Variants in TM2D1 observed in about 807,000 individuals in gnomAD.
TM2D1 encodes the protein TM2 domain-containing protein 1.
TM2D1 carries 15 observed loss-of-function variants against 28.4 expected under a neutral mutation model. That is an observed-to-expected ratio of 0.53 (90% confidence interval 0.35 to 0.81). The LOEUF is 0.81. Among genes scored for constraint, TM2D1 ranks in the 40% least tolerant of loss-of-function variants. The pLI is 0.01. For synonymous variants in TM2D1, 93 were observed against 96.2 expected, an observed-to-expected ratio of 0.97 and a Z score of 0.20; for missense variants, 236 against 254.9, an observed-to-expected ratio of 0.93 and a Z score of 0.50.
chr1:61,723,219 T>A (rs1438232359), intron 2 of TM2D1, among the ~76,000 whole-genome samples: 1 of 152,054 alleles, frequency 6.6e-6, no homozygotes. Context: ...ATAATCAAAG[T>A]AATAGAAATG....
At chr1:61,723,867 C>G in intron 1 of TM2D1, 81 bp from the exon 2 acceptor site, 1 of 628,838 alleles carries the variant, frequency 1.6e-6, no homozygotes, top group Non-Finnish European at 2.7e-6. Context: ...ATTATATACT[C>G]ATGTTGATAT....
intron 5 of TM2D1, among the ~76,000 whole-genome samples, chr1:61,693,790 G>T (rs982021684): frequency 1.3e-5 from 2 of 152,186 alleles, no homozygotes; most frequent in African/African-American, 4.8e-5. Flanking sequence ...CAAAACAGAT[G>T]ATGCTCTAAA....
chr1:61,683,557 C>T lies in TM2D1; in HGVS notation c.514-11G>A, dbSNP rs762730015. ...TGAAGGTCCAACAATCTAGAAGAGA[C>T]AAAATTTCAAAATTATTCATTTTAC... On this transcript the variant is annotated splice_polypyrimidine_tract_variant and intron_variant, in intron 5 of 6. Transcript: ENST00000606498. 8.1e-7 allele frequency: 1 copy of T among 1,240,046 alleles called. No individual in the cohort carries two copies. Among genetic ancestry groups the T allele is most frequent in the Non-Finnish European group, 1.1e-6 (1 of 904,172 alleles). The allele number at this position is 1,240,046 out of a possible 1,614,324, so 76.8% of individuals were successfully genotyped here.
At chr1:61,682,503 T>A (rs868240165) in intron 6 of TM2D1, among the ~76,000 whole-genome samples, 1 of 152,150 alleles carries the variant, frequency 6.6e-6, no homozygotes, top group East Asian at 1.9e-4. Flanking sequence ...TGTATGGTAA[T>A]TGAAATTTAA....
At chr1:61,690,343 G>C (rs2148036464) in intron 5 of TM2D1, among the ~76,000 whole-genome samples, 1 of 150,678 alleles carries the variant, frequency 6.6e-6, no homozygotes, top group Admixed American at 6.7e-5. Context: ...TGTAATCCTA[G>C]CTACTCAGGA....
At chr1:61,712,323 A>G (rs1644484565) in intron 2 of TM2D1, among the ~76,000 whole-genome samples, 1 of 152,240 alleles carries the variant, frequency 6.6e-6, no homozygotes, top group East Asian at 1.9e-4. Flanking sequence ...TTAAATTTTT[A>G]TAAACTATAT....
intron 1 of TM2D1, chr1:61,724,202 G>C (rs1452509097): frequency 1.3e-5 from 2 of 152,658 alleles, no homozygotes; most frequent in South Asian, 2.0e-4. Flanking sequence ...TGGTGAGGGG[G>C]ATGCGGATCG....
intron 5 of TM2D1, among the ~76,000 whole-genome samples, chr1:61,693,339 A>G (rs1644341993): frequency 6.6e-6 from 1 of 152,210 alleles, no homozygotes; most frequent in Admixed American, 6.5e-5. Context: ...GCTACAATTC[A>G]ATAATATCAC....
intron 5 of TM2D1, among the ~76,000 whole-genome samples, chr1:61,691,949 A>ATATATATATATATATG (rs1644330974): frequency 7.4e-6 from 1 of 134,970 alleles, no homozygotes; most frequent in Non-Finnish European, 1.6e-5. Context: ...ATATATATAT[A>ATATATATATATATATG]TATATATATA....
At chr1:61,689,138 T>C (rs1644306325) in intron 5 of TM2D1, among the ~76,000 whole-genome samples, 1 of 152,238 alleles carries the variant, frequency 6.6e-6, no homozygotes, top group South Asian at 2.1e-4. Context: ...AGTAGATTTA[T>C]GGCAATTATG....
At chr1:61,724,079 T>A (rs1644587425) in intron 1 of TM2D1, among the ~76,000 whole-genome samples, 1 of 152,120 alleles carries the variant, frequency 6.6e-6, no homozygotes, top group Admixed American at 6.6e-5. Flanking sequence ...ACCTTTAAAT[T>A]TGCCCCATAA....
chr1:61,689,579 C>A (rs563496328), intron 5 of TM2D1, among the ~76,000 whole-genome samples: 2 of 152,128 alleles, frequency 1.3e-5, no homozygotes, highest in Non-Finnish European at 2.9e-5. Context: ...CACTGTGTTG[C>A]CCACGCTGGT....
intron 4 of TM2D1, chr1:61,698,798 T>C (rs900432616): frequency 1.3e-5 from 2 of 151,956 alleles, no homozygotes; most frequent in Admixed American, 6.6e-5. Context: ...TTGTCTCTGC[T>C]GGCCTCAAAC....
intron 6 of TM2D1, 136 bp downstream of exon 6, chr1:61,683,281 T>C: frequency 2.9e-6 from 1 of 342,642 alleles, no homozygotes; most frequent in South Asian, 1.2e-4. Flanking sequence ...TTCAAAGGAT[T>C]GGAGATGTTT....
chr1:61,716,041 G>A (rs1044941940), intron 2 of TM2D1, among the ~76,000 whole-genome samples: 12 of 151,316 alleles, frequency 7.9e-5, no homozygotes, highest in Non-Finnish European at 5.9e-5. Flanking sequence ...TCCTGACCTC[G>A]TGATCCACCC....
At chr1:61,710,493 TATACACACATACACAC>T (rs1570119108) in intron 2 of TM2D1, among the ~76,000 whole-genome samples, 1 of 51,638 alleles carries the variant, frequency 1.9e-5, no homozygotes, top group East Asian at 8.7e-4. Flanking sequence ...CACACACACA[TATACACACATACACAC>T]ACACACACAC....
intron 1 of TM2D1, 21 bp downstream of exon 1, chr1:61,724,936 G>T (rs1159371236): frequency 6.4e-7 from 1 of 1,570,032 alleles, no homozygotes. Context: ...TCCATGGGGG[G>T]GTGTTCTCCA....
intron 2 of TM2D1, among the ~76,000 whole-genome samples, chr1:61,721,822 G>T (rs1644566815): frequency 6.6e-6 from 1 of 151,648 alleles, no homozygotes; most frequent in Non-Finnish European, 1.5e-5. Context: ...TTTAAAAAAG[G>T]CAATTAGCCA....
At chr1:61,721,951 TAAAAAAAAAAAAA>T (rs768461684) in intron 2 of TM2D1, among the ~76,000 whole-genome samples, 1,799 of 44,074 alleles carry the variant, frequency 0.041, 21 homozygotes, top group Admixed American at 0.11. Flanking sequence ...TCTCTACAGC[TAAAAAAAAAAAAA>T]AAAAAAAAAA....
Sources: gnomAD v4.1 joint callset for allele counts (sites outside exome capture counted in the v4.1 genomes callset) on GRCh38, gnomAD v4.1.1 for gene constraint, MANE v1.5 for transcripts, NCBI Gene and HGNC (gene_info 2026-07-23, HGNC 2026-07-21) for gene names.